ENOX1: variants seen among roughly 807,000 people sequenced by gnomAD.
ENOX1 encodes the protein candidate growth-related and time keeping constitutive hydroquinone (NADH) oxidase.
Under a neutral mutation model 82.5 loss-of-function variants are expected in ENOX1, and 42 were observed. That is an observed-to-expected ratio of 0.51 (90% CI 0.40 to 0.66). The LOEUF is 0.66. Ranked by LOEUF, ENOX1 falls within the 30% of genes least tolerant of loss-of-function variation. The probability of loss-of-function intolerance (pLI) is 0.00; values close to 1 mark genes in which losing one functional copy is unlikely to be tolerated. For missense variants in ENOX1, 608 were observed against 811.6 expected (o/e 0.75, Z 3.05); for synonymous variants, 271 against 282.2 (o/e 0.96, Z 0.40).
At chr13:43,544,636 A>C (rs908569476) in intron 2 of ENOX1, 3 of 152,148 alleles carry the variant, frequency 2.0e-5, no homozygotes. Context: ...ATAGAAATCA[A>C]GTTTTATGCC....
At chr13:43,563,881 C>T (rs1024997252) in intron 2 of ENOX1, among the ~76,000 whole-genome samples, 1 of 151,878 alleles carries the variant, frequency 6.6e-6, no homozygotes, top group African/African-American at 2.4e-5. Flanking sequence ...AAGCCCAGGA[C>T]CTGAGGGCTT....
intron 8 of ENOX1, among the ~76,000 whole-genome samples, chr13:43,351,496 T>C (rs898552824): frequency 6.7e-6 from 1 of 149,410 alleles, no homozygotes; most frequent in Admixed American, 6.7e-5. Context: ...TACATATGTA[T>C]ACATGTGCCA....
At chr13:43,523,512 T>C (rs1244554445) in intron 2 of ENOX1, among the ~76,000 whole-genome samples, 1 of 152,194 alleles carries the variant, frequency 6.6e-6, no homozygotes, top group Non-Finnish European at 1.5e-5. Flanking sequence ...TCTTACCTGA[T>C]GAACAAGGAC....
chr13:43,220,618 T>C (rs748080522), intron 16 of ENOX1, among the ~76,000 whole-genome samples: 18 of 152,198 alleles, frequency 1.2e-4, no homozygotes, highest in Non-Finnish European at 2.5e-4. Flanking sequence ...ATTCATTAGG[T>C]CCCTGGTAAC....
chr13:43,377,921 C>G (rs564118262), intron 5 of ENOX1, among the ~76,000 whole-genome samples: 3 of 152,200 alleles, frequency 2.0e-5, no homozygotes, highest in Non-Finnish European at 4.4e-5. Context: ...GGCCATATCA[C>G]TGTTTTAGGC....
chr13:43,412,855 C>T lies in ENOX1; in HGVS notation c.60G>A (p.Met20Ile). The T allele has an allele frequency of 6.2e-7, 1 of 1,614,066 alleles. No homozygotes were observed. Among genetic ancestry groups the T allele is most frequent in the Non-Finnish European group, 8.5e-7 (1 of 1,180,006 alleles). Residue 20 changes from methionine to isoleucine, a missense_variant, in exon 4 of 17, where the codon ATG (methionine) becomes ATA (isoleucine). Met to Ile is a conservative substitution (Grantham distance 10). Transcript: ENST00000690772. ...ITQLPQELPQ[M>I]MAAAADGLGS... ...GCCACTGGCATTTACCTGCAGCCATCATCTGAGGAAGCTCCTGGGGAAGCT... is the reference window on the plus strand; with the variant it reads ...GCCACTGGCATTTACCTGCAGCCATTATCTGAGGAAGCTCCTGGGGAAGCT...
At chr13:43,445,375 G>A (rs145688565) in intron 3 of ENOX1, among the ~76,000 whole-genome samples, 2,277 of 152,152 alleles carry the variant, frequency 0.015, 31 homozygotes, top group Non-Finnish European at 0.024. Flanking sequence ...TGCCCGCCTT[G>A]GCCTCCCAAA....
intron 2 of ENOX1, among the ~76,000 whole-genome samples, chr13:43,635,448 C>T (rs2083377892): frequency 6.6e-6 from 1 of 152,086 alleles, no homozygotes; most frequent in Admixed American, 6.6e-5. Context: ...GGTGCTGTTT[C>T]CTATGAAGAA....
chr13:43,703,472 T>C (rs762798623), intron 1 of ENOX1, among the ~76,000 whole-genome samples: 8 of 152,186 alleles, frequency 5.3e-5, no homozygotes, highest in South Asian at 2.1e-4. Flanking sequence ...CAGCTTTAGA[T>C]AGTATTCTTA....
intron 8 of ENOX1, among the ~76,000 whole-genome samples, chr13:43,351,597 C>G (rs1461470176): frequency 4.1e-5 from 5 of 122,706 alleles, no homozygotes; most frequent in Non-Finnish European, 8.2e-5. Flanking sequence ...CCACCACAGT[C>G]CCCAGAGTGT....
chr13:43,328,490 G>A (rs979948185), intron 9 of ENOX1, among the ~76,000 whole-genome samples: 5 of 152,200 alleles, frequency 3.3e-5, no homozygotes, highest in African/African-American at 4.8e-5. Flanking sequence ...GGTTGAGACT[G>A]AGTGTTTGGT....
At position 43,397,479 on chromosome 13, in the gene ENOX1, A is replaced by G. The variant is rs568466589; in HGVS notation, c.208+14437T>C. On this transcript the variant is annotated intron_variant, in intron 5 of 16. Transcript: ENST00000690772. ...CATTTTTCCTGCTGAGATGGAATAA[A>G]TGGCTAGGATGCATTAACTGATGGC... 2.6e-5 allele frequency among the ~76,000 whole-genome samples: 4 copies of G among 152,304 alleles called. No individual in the cohort carries two copies. In the East Asian group the frequency reaches 7.7e-4, roughly 29 times the overall value.
At chr13:43,529,067 T>A (rs972842944) in intron 2 of ENOX1, among the ~76,000 whole-genome samples, 12 of 151,974 alleles carry the variant, frequency 7.9e-5, no homozygotes, top group African/African-American at 1.9e-4. Flanking sequence ...GGTCATTTAA[T>A]CCTCATAGAA....
chr13:43,569,674 A>AAAC (rs752213784), intron 2 of ENOX1, among the ~76,000 whole-genome samples: 3 of 151,060 alleles, frequency 2.0e-5, no homozygotes, highest in East Asian at 1.9e-4. Context: ...TTTAAAAAAA[A>AAAC]AACTGTATTT....
intron 14 of ENOX1, among the ~76,000 whole-genome samples, chr13:43,250,826 C>A (rs1470902120): frequency 6.6e-6 from 1 of 152,118 alleles, no homozygotes; most frequent in Non-Finnish European, 1.5e-5. Flanking sequence ...ATGATATAAG[C>A]CATATAAAAT....
intron 3 of ENOX1, among the ~76,000 whole-genome samples, chr13:43,449,251 T>C (rs978659728): frequency 3.9e-5 from 6 of 152,190 alleles, no homozygotes; most frequent in Admixed American, 3.3e-4. Flanking sequence ...TGAGACTCCC[T>C]TGGGCAAATT....
chr13:43,405,655 T>G (rs774545276), intron 5 of ENOX1, among the ~76,000 whole-genome samples: 21 of 152,230 alleles, frequency 1.4e-4, no homozygotes, highest in Non-Finnish European at 2.6e-4. Context: ...AGTCATCCAT[T>G]CCTGTGGTTT....
At chr13:43,739,421 C>A (rs922884091) in intron 1 of ENOX1, among the ~76,000 whole-genome samples, 5 of 151,932 alleles carry the variant, frequency 3.3e-5, no homozygotes, top group Non-Finnish European at 7.4e-5. Flanking sequence ...TGGTGGCATG[C>A]GCCTGTAGTC....
intron 2 of ENOX1, among the ~76,000 whole-genome samples, chr13:43,628,272 G>A (rs1489498482): frequency 6.6e-6 from 1 of 152,072 alleles, no homozygotes; most frequent in Non-Finnish European, 1.5e-5. Context: ...GGTCTGTGAG[G>A]TGCTGTTCAT....
Sources: gnomAD v4.1 joint callset for allele counts (sites outside exome capture counted in the v4.1 genomes callset) on GRCh38, gnomAD v4.1.1 for gene constraint, MANE v1.5 for transcripts, NCBI Gene and HGNC (gene_info 2026-07-23, HGNC 2026-07-21) for gene names.